STK3: variants seen among roughly 807,000 people sequenced by gnomAD.
STK3 encodes serine/threonine kinase 3, also known as serine/threonine-protein kinase 3.
In STK3, 41 loss-of-function variants were observed where a neutral mutation model predicts 58.0. That is an observed-to-expected ratio of 0.71 (90% confidence interval 0.55 to 0.92). The LOEUF is 0.92. Ranked by LOEUF, STK3 falls within the 40% of genes least tolerant of loss-of-function variation. The pLI is 0.00. For synonymous variants in STK3, 170 were observed against 191.0 expected (o/e 0.89, Z 0.91); for missense variants, 479 against 602.7 (o/e 0.79, Z 2.15).
intron 8 of STK3, among the ~76,000 whole-genome samples, chr8:98,552,936 G>A (rs1028057005): frequency 6.6e-6 from 1 of 152,120 alleles, no homozygotes; most frequent in African/African-American, 2.4e-5. Context: ...TTCCATTTCA[G>A]TTTTTAGGGA....
chr8:98,455,611 C>T lies in STK3; in HGVS notation c.*231G>A, dbSNP rs1819433906. 7.4e-6 allele frequency: 4 copies of T among 538,642 alleles called. No individual in the cohort carries two copies. Among genetic ancestry groups the T allele is most frequent in the Non-Finnish European group, 1.3e-5 (4 of 305,454 alleles). The allele number at this position is 538,642 out of a possible 1,614,324, so 33.4% of individuals were successfully genotyped here. On this transcript the variant is annotated 3_prime_UTR_variant, in exon 11 of 11. Coordinates refer to ENST00000419617, the MANE Select transcript of STK3 (RefSeq NM_006281.4). ...AGTTTTATTACTGGTATGCAGCTGA[C>T]AGAACAAGAGAATACACTTCTTTTG...
At chr8:98,771,579 T>C (rs1379504133) in intron 2 of STK3, among the ~76,000 whole-genome samples, 1 of 152,180 alleles carries the variant, frequency 6.6e-6, no homozygotes, top group Non-Finnish European at 1.5e-5. Flanking sequence ...ATCTTTTTTT[T>C]TTTGAGACAG....
At chr8:98,554,980 C>A (rs1394937714) in intron 8 of STK3, among the ~76,000 whole-genome samples, 1 of 152,104 alleles carries the variant, frequency 6.6e-6, no homozygotes, top group African/African-American at 2.4e-5. Flanking sequence ...AGAAAAAGGT[C>A]TGCAGAACAG....
chr8:98,780,464 G>A (rs924503878), intron 1 of STK3, among the ~76,000 whole-genome samples: 3 of 152,000 alleles, frequency 2.0e-5, no homozygotes, highest in East Asian at 1.9e-4. Flanking sequence ...CTGGGTTTTC[G>A]GTCCTTTTCT....
chr8:98,400,530 G>A (rs184797296), downstream of STK3, among the ~76,000 whole-genome samples: 27 of 152,312 alleles, frequency 1.8e-4, no homozygotes, highest in Non-Finnish European at 1.5e-4. Flanking sequence ...GCCAAGGTCT[G>A]ACCCTTCTGA....
chr8:98,347,800 T>A, the STK3 span, among the ~76,000 whole-genome samples: 3 of 152,158 alleles, frequency 2.0e-5, no homozygotes, highest in Admixed American at 1.3e-4. Flanking sequence ...AATAGGATGA[T>A]AGAAAGACAA....
At chr8:98,855,013 C>T (rs542148678) in intron 3 of STK3, among the ~76,000 whole-genome samples, 10 of 152,204 alleles carry the variant, frequency 6.6e-5, no homozygotes, top group Admixed American at 2.0e-4. Context: ...GCTGAGATTA[C>T]GCCACTGCAT....
exon 2 of STK3, chr8:98,379,158 A>C (rs1817705390): frequency 6.6e-6 from 1 of 152,188 alleles, no homozygotes; most frequent in Non-Finnish European, 1.5e-5. Flanking sequence ...AATACCTAAG[A>C]GGTCTCCAGA....
intron 6 of STK3, among the ~76,000 whole-genome samples, chr8:98,670,733 A>G (rs1822763920): frequency 6.6e-6 from 1 of 152,232 alleles, no homozygotes; most frequent in Non-Finnish European, 1.5e-5. Flanking sequence ...CTGTGCCCAT[A>G]AAAACCCCAG....
intron 6 of STK3, among the ~76,000 whole-genome samples, chr8:98,665,769 T>C (rs1231975189): frequency 1.3e-5 from 2 of 150,546 alleles, no homozygotes; most frequent in African/African-American, 4.9e-5. Flanking sequence ...AGTAGCGCGA[T>C]CTCGGCTCAC....
At chr8:98,856,320 C>CAAAAAAAAA (rs71572026) in intron 3 of STK3, among the ~76,000 whole-genome samples, 1 of 101,662 alleles carries the variant, frequency 9.8e-6, no homozygotes, top group African/African-American at 4.1e-5. Flanking sequence ...GACTCCATCT[C>CAAAAAAAAA]AAAAAAAAAA....
rs1474444986 is a variant in STK3, at chr8:98,428,465, T to C, written n.483+5662A>G. The stretch of plus-strand genomic sequence containing the variant: ...TCTACAACGACGCCTCCAAGTTCGA[T>C]GGGCAGCCCCTCGGCAACTTCCGCA... On this transcript the variant is annotated intron_variant and non_coding_transcript_variant, in intron 3 of 3. Transcript: ENST00000517832. This position sits in a 1 kb window ranked among gnomAD's most constrained non-coding sequence, Gnocchi z 6.7. The C allele has an allele frequency of 6.2e-7, 1 of 1,614,158 alleles. No homozygotes were observed. Among genetic ancestry groups the C allele is most frequent in the Non-Finnish European group, 8.5e-7 (1 of 1,180,046 alleles).
rs1045916704 is a variant in STK3, at chr8:98,455,621, G to T, written c.*221C>A. ...CTGGTATGCAGCTGACAGAACAAGA[G>T]AATACACTTCTTTTGTTCTCCTCAT... On this transcript the variant is annotated 3_prime_UTR_variant, in exon 11 of 11. Transcript: ENST00000419617. 2 of 566,900 alleles carry T rather than the reference G, an allele frequency of 3.5e-6. No individual in the cohort carries two copies. The highest frequency in any genetic ancestry group is 3.0e-5 in the East Asian group (1 of 33,220). 35.1% of individuals were successfully genotyped at this position (566,900 alleles called of 1,614,324 possible). A position where few individuals can be genotyped will look rare whatever the true frequency, so the allele number is the denominator to read the frequency against.
At chr8:98,647,131 C>T (rs1008846971) in intron 6 of STK3, among the ~76,000 whole-genome samples, 1 of 152,122 alleles carries the variant, frequency 6.6e-6, no homozygotes, top group African/African-American at 2.4e-5. Context: ...CCTTCTGCCT[C>T]TCCAAACACA....
intron 3 of STK3, among the ~76,000 whole-genome samples, chr8:98,862,666 G>C (rs1053350211): frequency 2.6e-5 from 4 of 152,234 alleles, no homozygotes; most frequent in African/African-American, 7.2e-5. Context: ...GCAATTTCAA[G>C]CTCATGCGAT....
chr8:98,705,417 G>GAA (rs11389041), intron 6 of STK3, among the ~76,000 whole-genome samples: 20 of 107,650 alleles, frequency 1.9e-4, no homozygotes, highest in African/African-American at 2.4e-4. Flanking sequence ...TATCTCAAAA[G>GAA]AAAAAAAAAA....
chr8:98,535,802 T>C (rs1809709504), intron 9 of STK3, among the ~76,000 whole-genome samples: 1 of 152,180 alleles, frequency 6.6e-6, no homozygotes, highest in South Asian at 2.1e-4. Context: ...GAAGTTGCTT[T>C]TTTCACTACA....
intron 3 of STK3, among the ~76,000 whole-genome samples, chr8:98,762,379 C>T (rs988086282): frequency 2.0e-5 from 3 of 152,174 alleles, no homozygotes; most frequent in African/African-American, 7.2e-5. Flanking sequence ...CCTCAGCCTC[C>T]CCAGTAGCTG....
rs1813319877 is a variant in STK3, at chr8:98,575,419, A to AGTACAT, written c.948+4239_948+4244dup. On this transcript the variant is annotated intron_variant, in intron 8 of 10. Transcript: ENST00000419617. ...TAAAGTATACAAATCAGTGGCACTTAGTACATTCACAATGTGCAACCATCT... is the reference window on the plus strand; with the variant it reads ...TAAAGTATACAAATCAGTGGCACTTAGTACATGTACATTCACAATGTGCAACCATCT... Among the ~76,000 whole-genome samples, 10 of 150,718 alleles carry AGTACAT rather than the reference A, an allele frequency of 6.6e-5. No individual in the cohort carries two copies. The Admixed American group carries it at 6.7e-4, about 10-fold the overall frequency.
Sources: gnomAD v4.1 joint callset for allele counts (sites outside exome capture counted in the v4.1 genomes callset) on GRCh38, gnomAD v4.1.1 for gene constraint, Gnocchi (gnomAD v3.1) non-coding constraint, MANE v1.5 for transcripts, NCBI Gene and HGNC (gene_info 2026-07-23, HGNC 2026-07-21) for gene names.